The following RHPN2 variants were observed in gnomAD, a reference collection of about 807,000 sequenced individuals.
The protein encoded by RHPN2 is rhophilin Rho GTPase binding protein 2.
Under a neutral mutation model 79.0 loss-of-function variants are expected in RHPN2, and 40 were observed. That is an observed-to-expected ratio of 0.51 (90% CI 0.39 to 0.66). The LOEUF (loss-of-function observed/expected upper bound fraction) is 0.66, where lower values mean the gene tolerates loss of function less well. RHPN2 is among the 30% of genes least tolerant of loss of function. The probability of loss-of-function intolerance (pLI) is 0.00; values close to 1 mark genes in which losing one functional copy is unlikely to be tolerated. For missense variants in RHPN2, 686 were observed against 883.5 expected (o/e 0.78, Z 2.83); for synonymous variants, 285 against 363.5 (o/e 0.78, Z 2.46).
chr19:33,048,302 C>T (rs577330440), intron 1 of RHPN2, among the ~76,000 whole-genome samples: 16 of 151,928 alleles, frequency 1.1e-4, no homozygotes, highest in South Asian at 2.1e-4. Flanking sequence ...GTGATCCACC[C>T]GCCTCGGCCT....
chr19:33,025,983 T>TG (rs1971962801), intron 3 of RHPN2, among the ~76,000 whole-genome samples: 2 of 148,014 alleles, frequency 1.4e-5, no homozygotes, highest in African/African-American at 2.5e-5. Flanking sequence ...GTTCATTTGT[T>TG]TTTTTTTTTT....
intron 1 of RHPN2, among the ~76,000 whole-genome samples, chr19:33,053,760 T>TTGGTCAC (rs1972208968): frequency 6.6e-6 from 1 of 152,042 alleles, no homozygotes; most frequent in African/African-American, 2.4e-5. Context: ...AGACGTGGTT[T>TTGGTCAC]CACCATGTTG....
chr19:33,052,350 G>A (rs1972195934), intron 1 of RHPN2, among the ~76,000 whole-genome samples: 2 of 152,168 alleles, frequency 1.3e-5, no homozygotes, highest in South Asian at 2.1e-4. Context: ...AGGGCAATGT[G>A]CAAGCTTGGG....
intron 11 of RHPN2, among the ~76,000 whole-genome samples, 180 bp downstream of exon 11, chr19:32,995,846 G>A (rs1971695897): frequency 1.3e-5 from 2 of 152,166 alleles, no homozygotes; most frequent in African/African-American, 2.4e-5. Flanking sequence ...GCAACAGAGC[G>A]AGACTCCATC....
At chr19:33,012,818 A>C (rs1375137585) in intron 4 of RHPN2, 94 bp from the exon 5 acceptor site, 14 of 730,982 alleles carry the variant, frequency 1.9e-5, no homozygotes, top group Non-Finnish European at 3.5e-5. Flanking sequence ...CATTTTTAAA[A>C]AGGCAGAATA....
In RHPN2 at chr19:32,979,850, A is replaced by AT; in HGVS notation, c.*145dup. The AT allele has an allele frequency of 9.5e-7, 1 of 1,048,096 alleles. No homozygotes were observed. Among genetic ancestry groups the AT allele is most frequent in the Non-Finnish European group, 1.4e-6 (1 of 713,568 alleles). 64.9% of individuals were successfully genotyped at this position (1,048,096 alleles called of 1,614,324 possible). ...AGAGGTTTCTTGGTTACTTTCCTTC[A>AT]TAAAAACACATCAAATGTGAGTTTA... On this transcript the variant is annotated 3_prime_UTR_variant, in exon 15 of 15. Transcript: ENST00000254260.
intron 7 of RHPN2, 91 bp from the exon 8 acceptor site, chr19:33,003,091 G>A: frequency 8.5e-7 from 1 of 1,172,994 alleles, no homozygotes; most frequent in Non-Finnish European, 1.2e-6. Flanking sequence ...GAGTGCGGTG[G>A]CTCATGCCCA....
intron 2 of RHPN2, among the ~76,000 whole-genome samples, chr19:33,029,308 C>T (rs558333884): frequency 1.3e-4 from 19 of 151,834 alleles, no homozygotes; most frequent in East Asian, 7.8e-4. Context: ...GGACGGATCA[C>T]GAGGTCAGGA....
rs780380894 is a variant in RHPN2 at position 33,044,283 on chromosome 19, C to G, written c.151G>C (p.Val51Leu). ...TTTTCCGCTCCGGTCCTCATCCGCA[C>G]GGCTTTCAGGATCTGCTGATTCAAA... The part of the protein sequence containing the change: ...AALNQQILKA[V>L]RMRTGAENLL... The change falls in exon 2 of 15, where the codon GTG becomes CTG. Residue 51 changes from valine (V) to leucine (L), a missense_variant. Physicochemically the swap from Val to Leu is conservative, Grantham distance 32. Coordinates refer to ENST00000254260, the MANE Select transcript of RHPN2 (RefSeq NM_033103.5). The G allele has an allele frequency of 1.2e-6, 2 of 1,613,906 alleles. No individual in the cohort carries two copies. Among genetic ancestry groups the G allele is most frequent in the Admixed American group, 1.7e-5 (1 of 59,964 alleles).
chr19:33,014,889 G>C (rs868369876), intron 4 of RHPN2, among the ~76,000 whole-genome samples: 23 of 151,734 alleles, frequency 1.5e-4, no homozygotes, highest in African/African-American at 4.6e-4. Context: ...CCAGGAGTTT[G>C]AGACCAGCAT....
At chr19:33,013,209 C>CA (rs1360480004) in intron 4 of RHPN2, among the ~76,000 whole-genome samples, 6 of 75,846 alleles carry the variant, frequency 7.9e-5, no homozygotes, top group Admixed American at 3.7e-4. Context: ...AAACAAAAAA[C>CA]AAAAAACAGA....
At chr19:33,003,955 G>A (rs1971771039) in intron 7 of RHPN2, among the ~76,000 whole-genome samples, 2 of 152,168 alleles carry the variant, frequency 1.3e-5, no homozygotes, top group South Asian at 4.1e-4. Flanking sequence ...TGGGAGGGTT[G>A]CTTGACATTA....
intron 1 of RHPN2, among the ~76,000 whole-genome samples, chr19:33,046,972 C>T (rs1972147667): frequency 6.6e-6 from 1 of 152,078 alleles, no homozygotes; most frequent in African/African-American, 2.4e-5. Flanking sequence ...ATTCTCCTGC[C>T]TCAGCCTCCT....
intron 11 of RHPN2, among the ~76,000 whole-genome samples, chr19:32,995,188 T>C (rs946621612): frequency 2.0e-5 from 3 of 152,036 alleles, no homozygotes; most frequent in African/African-American, 7.2e-5. Flanking sequence ...TTCTCCTGCC[T>C]CAGCCTCCCG....
intron 2 of RHPN2, among the ~76,000 whole-genome samples, chr19:33,031,687 G>A (rs1467595452): frequency 1.3e-5 from 2 of 151,010 alleles, no homozygotes; most frequent in East Asian, 2.0e-4. Context: ...CCTGGCTAAC[G>A]TAGGTTTTTT....
intron 1 of RHPN2, among the ~76,000 whole-genome samples, chr19:33,045,250 C>T (rs1391498922): frequency 6.6e-6 from 1 of 151,922 alleles, no homozygotes; most frequent in East Asian, 1.9e-4. Context: ...CAGGGTTTCG[C>T]CATGTTGCCC....
chr19:33,015,159 T>G (rs1235969043), intron 4 of RHPN2, among the ~76,000 whole-genome samples: 2 of 152,080 alleles, frequency 1.3e-5, no homozygotes, highest in East Asian at 3.9e-4. Context: ...GCACGGTGGC[T>G]CACACCTGTA....
At chr19:33,006,352 A>G (rs1844604147) in intron 7 of RHPN2, among the ~76,000 whole-genome samples, 1 of 152,076 alleles carries the variant, frequency 6.6e-6, no homozygotes. Context: ...ATACACCACC[A>G]CGCCTGGCTA....
chr19:32,991,232 C>G (rs1182101603), intron 13 of RHPN2: 1 of 184,218 alleles, frequency 5.4e-6, no homozygotes. Context: ...CCGAGGTAGG[C>G]GGATCACAAG....
Sources: gnomAD v4.1 joint callset for allele counts (sites outside exome capture counted in the v4.1 genomes callset) on GRCh38, gnomAD v4.1.1 for gene constraint, MANE v1.5 for transcripts, NCBI Gene and HGNC (gene_info 2026-07-23, HGNC 2026-07-21) for gene names.